NCAM2: variants seen among roughly 807,000 people sequenced by gnomAD.
NCAM2 encodes neural cell adhesion molecule 2, also known as N-CAM-2.
A neutral mutation model predicts 98.1 loss-of-function variants in NCAM2; 30 were observed. The observed-to-expected ratio is 0.31, with a 90% CI of 0.23 to 0.41. The LOEUF (loss-of-function observed/expected upper bound fraction) is 0.41, where lower values mean the gene tolerates loss of function less well. NCAM2 is among the 10% of genes least tolerant of loss of function. The pLI, the probability that NCAM2 is intolerant of heterozygous loss-of-function variation, is 1.00. For missense variants in NCAM2, 867 were observed against 1,005.8 expected, an observed-to-expected ratio of 0.86 and a Z score of 1.87; for synonymous variants, 368 against 342.4, an observed-to-expected ratio of 1.07 and a Z score of -0.83.
chr21:21,456,327 CAG>C (rs1387235079), intron 12 of NCAM2, among the ~76,000 whole-genome samples: 1 of 152,066 alleles, frequency 6.6e-6, no homozygotes, highest in Admixed American at 6.5e-5. Context: ...TCTAATTAAC[CAG>C]AGAATCTGAT....
At chr21:21,362,314 C>G (rs2075666278) in intron 8 of NCAM2, among the ~76,000 whole-genome samples, 1 of 152,028 alleles carries the variant, frequency 6.6e-6, no homozygotes, top group South Asian at 2.1e-4. Context: ...ATTTGGAATT[C>G]TCTGCTCTTA....
intron 16 of NCAM2, among the ~76,000 whole-genome samples, chr21:21,518,503 A>G (rs1348282742): frequency 6.6e-6 from 1 of 152,012 alleles, no homozygotes; most frequent in Admixed American, 6.6e-5. Context: ...CCTCCTAATA[A>G]TTTTCTGTAC....
At chr21:21,330,895 G>A (rs1177299803) in intron 6 of NCAM2, among the ~76,000 whole-genome samples, 1 of 151,968 alleles carries the variant, frequency 6.6e-6, no homozygotes, top group African/African-American at 2.4e-5. Flanking sequence ...ATGTCTTCAA[G>A]TTTACTAATA....
chr21:21,533,922 A>G (rs531377958), intron 16 of NCAM2, among the ~76,000 whole-genome samples: 14 of 152,094 alleles, frequency 9.2e-5, no homozygotes, highest in Admixed American at 2.0e-4. Context: ...TATATGTTAC[A>G]AAGATTATTT....
intron 11 of NCAM2, among the ~76,000 whole-genome samples, chr21:21,429,480 A>G (rs1030522690): frequency 2.0e-5 from 3 of 152,150 alleles, no homozygotes; most frequent in Non-Finnish European, 4.4e-5. Flanking sequence ...TCCAACTTAG[A>G]CCTAATGTAC....
intron 1 of NCAM2, among the ~76,000 whole-genome samples, chr21:21,055,176 A>G (rs1054814649): frequency 6.6e-6 from 1 of 152,034 alleles, no homozygotes; most frequent in Non-Finnish European, 1.5e-5. Context: ...ATTAAAACCA[A>G]GAAGCTTACC....
intron 12 of NCAM2, among the ~76,000 whole-genome samples, chr21:21,462,210 G>A (rs1160245565): frequency 1.3e-5 from 2 of 151,970 alleles, no homozygotes; most frequent in African/African-American, 4.8e-5. Flanking sequence ...CACAGTACTT[G>A]ACAATATGAA....
chr21:21,133,026 A>AATAATAAATCAAT (rs2066968601), intron 1 of NCAM2, among the ~76,000 whole-genome samples: 2 of 152,208 alleles, frequency 1.3e-5, no homozygotes, highest in African/African-American at 4.8e-5. Flanking sequence ...CATTTTACCT[A>AATAATAAATCAAT]TATTATGACA....
intron 11 of NCAM2, among the ~76,000 whole-genome samples, chr21:21,421,728 A>T (rs1467358944): frequency 6.6e-6 from 1 of 152,168 alleles, no homozygotes; most frequent in East Asian, 1.9e-4. Context: ...ACAGTTTAAG[A>T]TTTCATTGGC....
chr21:21,112,422 T>C (rs1428397030), intron 1 of NCAM2, among the ~76,000 whole-genome samples: 1 of 152,252 alleles, frequency 6.6e-6, no homozygotes, highest in Non-Finnish European at 1.5e-5. Flanking sequence ...TTTTTCCCGC[T>C]TGCTTGCCTG....
intron 1 of NCAM2, among the ~76,000 whole-genome samples, chr21:21,021,771 A>T (rs936074457): frequency 3.9e-5 from 6 of 152,220 alleles, no homozygotes; most frequent in Non-Finnish European, 8.8e-5. Flanking sequence ...ATGAACGACT[A>T]GTACAAAGAT....
chr21:21,059,966 G>A (rs956918460), intron 1 of NCAM2, among the ~76,000 whole-genome samples: 1 of 152,040 alleles, frequency 6.6e-6, no homozygotes, highest in Non-Finnish European at 1.5e-5. Context: ...TGTTAGCTCC[G>A]ATATGGAAAT....
chr21:21,455,006 A>G (rs1032105277), intron 12 of NCAM2, among the ~76,000 whole-genome samples: 2 of 151,894 alleles, frequency 1.3e-5, no homozygotes, highest in African/African-American at 2.4e-5. Context: ...AAATTTGCCT[A>G]AGGATAGCAA....
chr21:21,079,919 C>T (rs531618107), intron 1 of NCAM2, among the ~76,000 whole-genome samples: 2 of 152,284 alleles, frequency 1.3e-5, no homozygotes, highest in South Asian at 4.1e-4. Context: ...TGTTCCTTGT[C>T]CTTAAAACAT....
chr21:21,018,260 T>C (rs1199855792), intron 1 of NCAM2, among the ~76,000 whole-genome samples: 3 of 152,238 alleles, frequency 2.0e-5, no homozygotes, highest in African/African-American at 7.2e-5. Context: ...GTATCCATAA[T>C]TGATGATGTT....
chr21:21,414,304 A>G (rs1416995044), intron 10 of NCAM2, among the ~76,000 whole-genome samples: 2 of 152,142 alleles, frequency 1.3e-5, no homozygotes, highest in Non-Finnish European at 2.9e-5. Flanking sequence ...AATTCTTATT[A>G]ATGTTGATAT....
intron 5 of NCAM2, among the ~76,000 whole-genome samples, chr21:21,317,642 C>T (rs576667894): frequency 5.3e-5 from 8 of 152,204 alleles, no homozygotes; most frequent in Non-Finnish European, 1.2e-4. Flanking sequence ...AAGCTATCCT[C>T]CCATCTCAGC....
intron 1 of NCAM2, among the ~76,000 whole-genome samples, chr21:21,238,602 A>G (rs2070939278): frequency 8.0e-6 from 1 of 124,708 alleles, no homozygotes; most frequent in African/African-American, 3.1e-5. Flanking sequence ...ATTTTTAATT[A>G]AAGAGAATAT....
chr21:21,213,748 G>A (rs528068849), intron 1 of NCAM2, among the ~76,000 whole-genome samples: 1 of 152,108 alleles, frequency 6.6e-6, no homozygotes, highest in South Asian at 2.1e-4. Context: ...AACATCAACT[G>A]AAAACATAAA....
Sources: allele counts gnomAD v4.1 joint callset (sites outside exome capture counted in the v4.1 genomes callset), GRCh38; gene constraint gnomAD v4.1.1; transcripts MANE v1.5; gene names NCBI Gene and HGNC (gene_info 2026-07-23, HGNC 2026-07-21).